The following PGM5 variants were observed in gnomAD, a reference collection of about 807,000 sequenced individuals.
PGM5 encodes the protein phosphoglucomutase 5.
In PGM5, 23 loss-of-function variants were observed where a neutral mutation model predicts 59.2. That is an observed-to-expected ratio of 0.39 (90% confidence interval 0.28 to 0.55). The LOEUF is 0.55. Among genes scored for constraint, PGM5 ranks in the 20% least tolerant of loss-of-function variants. The pLI, the probability that PGM5 is intolerant of heterozygous loss-of-function variation, is 0.66. For synonymous variants in PGM5, 214 were observed against 286.0 expected (o/e 0.75, Z 2.54); for missense variants, 574 against 748.3 (o/e 0.77, Z 2.72).
At chr9:68,520,726 C>T (rs1272161549) in intron 10 of PGM5, among the ~76,000 whole-genome samples, 2 of 152,162 alleles carry the variant, frequency 1.3e-5, no homozygotes, top group African/African-American at 2.4e-5. Flanking sequence ...AAAGGGAAGT[C>T]CTTTAATATC....
At chr9:68,397,560 G>T (rs1247621146) in intron 6 of PGM5, 1 of 152,150 alleles carries the variant, frequency 6.6e-6, no homozygotes, top group African/African-American at 2.4e-5. Flanking sequence ...CCACCCCTAT[G>T]GTTCACCATT....
chr9:68,525,930 C>G (rs1414866044), intron 10 of PGM5, among the ~76,000 whole-genome samples: 2 of 152,046 alleles, frequency 1.3e-5, no homozygotes, highest in Non-Finnish European at 2.9e-5. Context: ...GTGGCAGGCA[C>G]CTGTAGTCCC....
intron 6 of PGM5, among the ~76,000 whole-genome samples, chr9:68,393,538 G>A (rs1554679724): frequency 6.6e-6 from 1 of 152,024 alleles, no homozygotes; most frequent in African/African-American, 2.4e-5. Context: ...TTGAGGCCAG[G>A]AATTCAAGAC....
chr9:68,505,812 G>A (rs770456822), intron 10 of PGM5, among the ~76,000 whole-genome samples: 9 of 152,112 alleles, frequency 5.9e-5, no homozygotes, highest in African/African-American at 9.7e-5. Context: ...GGCCCTTGGC[G>A]GTTGGATTTG....
In PGM5 at chr9:68,357,248, C is replaced by T; in HGVS notation, c.121C>T (p.Leu41=). Reference sequence around the variant, plus strand: ...CCTCTTCGAGGGCCAGCGCAACTACCTGCCCAACTTTATCCAGAGCGTGCT... The same window carrying T: ...CCTCTTCGAGGGCCAGCGCAACTACTTGCCCAACTTTATCCAGAGCGTGCT... ...TGLFEGQRNY[L]PNFIQSVLSS... is the part of the protein sequence containing the mutation. Residue 41 remains leucine, a synonymous_variant, in exon 1 of 11, where the codon CTG becomes TTG. Coordinates refer to ENST00000396396, the MANE Select transcript of PGM5 (RefSeq NM_021965.4). 1.3e-6 allele frequency: 2 copies of T among 1,543,498 alleles called. No homozygotes were observed. Among genetic ancestry groups the T allele is most frequent in the South Asian group, 2.4e-5 (2 of 83,898 alleles).
intron 6 of PGM5, among the ~76,000 whole-genome samples, chr9:68,408,931 C>G (rs1333470773): frequency 7.2e-5 from 11 of 151,978 alleles, no homozygotes; most frequent in African/African-American, 2.2e-4. Context: ...TTCCATTGAT[C>G]TATATCTCTG....
intron 10 of PGM5, among the ~76,000 whole-genome samples, chr9:68,511,483 A>G (rs2132113249): frequency 6.8e-6 from 1 of 146,402 alleles, no homozygotes; most frequent in East Asian, 2.1e-4. Context: ...TTTTTGGTTT[A>G]TACCTGACAT....
At chr9:68,366,038 A>T (rs1389541427) in intron 1 of PGM5, among the ~76,000 whole-genome samples, 1 of 152,298 alleles carries the variant, frequency 6.6e-6, no homozygotes, top group South Asian at 2.1e-4. Context: ...TGTAAAAAAG[A>T]TGAAATTACC....
rs1199407064 is a variant in PGM5 at position 68,376,882 on chromosome 9, CT to C, written c.262-1310del. On this transcript the variant is annotated intron_variant, in intron 1 of 10. Coordinates refer to ENST00000396396, the MANE Select transcript of PGM5 (RefSeq NM_021965.4). The stretch of plus-strand genomic sequence containing the variant: ...CTTTCTTTTTTCTTTCTCTTTCTTT[CT>C]TTTTTTCTTTCTTTCTCTCTCTTTC... Among the ~76,000 whole-genome samples the C allele has an allele frequency of 1.4e-3, 139 of 101,924 alleles. 4 individuals carry two copies. The highest frequency in any genetic ancestry group is 4.8e-3 in the Middle Eastern group (1 of 210). The allele number at this position is 101,924 out of a possible 152,430, so 66.9% of individuals were successfully genotyped here. A position where few individuals can be genotyped will look rare whatever the true frequency, so the allele number is the denominator to read the frequency against.
intron 6 of PGM5, among the ~76,000 whole-genome samples, chr9:68,441,533 A>T (rs1349430751): frequency 6.6e-6 from 1 of 152,176 alleles, no homozygotes; most frequent in Non-Finnish European, 1.5e-5. Flanking sequence ...GATTACATCA[A>T]TTGAGGCACA....
At chr9:68,364,028 A>G (rs2757950) in intron 1 of PGM5, among the ~76,000 whole-genome samples, 1 of 152,164 alleles carries the variant, frequency 6.6e-6, no homozygotes, top group African/African-American at 2.4e-5. Flanking sequence ...TTGGTAAACA[A>G]CTTACAGTTT....
At chr9:68,500,817 A>T (rs888268697) in intron 10 of PGM5, among the ~76,000 whole-genome samples, 2 of 151,970 alleles carry the variant, frequency 1.3e-5, no homozygotes, top group Non-Finnish European at 2.9e-5. Context: ...TCTTTTCCCT[A>T]TTTGCACAGG....
intron 2 of PGM5, 148 bp from the exon 3 acceptor site, chr9:68,384,248 AAT>A (rs1822156896): frequency 1.6e-6 from 1 of 615,044 alleles, no homozygotes; most frequent in Non-Finnish European, 3.0e-6. Flanking sequence ...CAGTATAAGA[AAT>A]ATCAAGGCTA....
chr9:68,400,555 T>G (rs1267466584), intron 6 of PGM5: 4 of 152,628 alleles, frequency 2.6e-5, no homozygotes, highest in African/African-American at 9.7e-5. Context: ...AGTTAACTAC[T>G]ATGAGCTATC....
intron 6 of PGM5, among the ~76,000 whole-genome samples, chr9:68,417,868 T>C (rs1486009109): frequency 2.6e-5 from 4 of 152,226 alleles, no homozygotes; most frequent in African/African-American, 9.7e-5. Context: ...CTCCCCTGTC[T>C]CTGGTTTCTT....
intron 6 of PGM5, among the ~76,000 whole-genome samples, chr9:68,443,107 C>A (rs923823654): frequency 3.9e-5 from 6 of 152,124 alleles, no homozygotes; most frequent in Non-Finnish European, 8.8e-5. Context: ...TTCATAATAG[C>A]CCCCAAAATG....
intron 10 of PGM5, among the ~76,000 whole-genome samples, chr9:68,502,595 T>G (rs1554688744): frequency 6.6e-6 from 1 of 152,200 alleles, no homozygotes; most frequent in Non-Finnish European, 1.5e-5. Context: ...CAAGGCAGAA[T>G]ACAGTCACAC....
chr9:68,428,354 T>G (rs1402852787), intron 6 of PGM5, among the ~76,000 whole-genome samples: 1 of 152,188 alleles, frequency 6.6e-6, no homozygotes, highest in Non-Finnish European at 1.5e-5. Context: ...GGAGGCAATT[T>G]CATATGTGCA....
At chr9:68,456,412 A>G (rs1554684866) in intron 6 of PGM5, among the ~76,000 whole-genome samples, 2 of 150,380 alleles carry the variant, frequency 1.3e-5, no homozygotes, top group Non-Finnish European at 3.0e-5. Context: ...CCAGGTTCAC[A>G]CCATTCTCCT....
Sources: gnomAD v4.1 joint callset for allele counts (sites outside exome capture counted in the v4.1 genomes callset) on GRCh38, gnomAD v4.1.1 for gene constraint, MANE v1.5 for transcripts, NCBI Gene and HGNC (gene_info 2026-07-23, HGNC 2026-07-21) for gene names.